CFAP299: variants seen among roughly 807,000 people sequenced by gnomAD.
The protein encoded by CFAP299 is cilia- and flagella-associated protein 299.
In CFAP299, 21 loss-of-function variants were observed where a neutral mutation model predicts 27.0. That is an observed-to-expected ratio of 0.78 (90% confidence interval 0.55 to 1.12). The LOEUF is 1.12. Ranked by LOEUF, CFAP299 falls within the 50% of genes most tolerant of loss-of-function variation. The pLI is 0.00. For missense variants in CFAP299, 310 were observed against 276.6 expected, an observed-to-expected ratio of 1.12 and a Z score of -0.86; for synonymous variants, 104 against 98.1, an observed-to-expected ratio of 1.06 and a Z score of -0.36.
chr4:80,950,479 T>C (rs1303383657), intron 5 of CFAP299, among the ~76,000 whole-genome samples: 1 of 152,136 alleles, frequency 6.6e-6, no homozygotes, highest in Non-Finnish European at 1.5e-5. Context: ...ACCAAAGATA[T>C]TCAAAAACAA....
At chr4:80,631,861 C>T in intron 3 of CFAP299, among the ~76,000 whole-genome samples, 1 of 54,456 alleles carries the variant, frequency 1.8e-5, no homozygotes, top group Non-Finnish European at 3.7e-5. Flanking sequence ...ATATTTGTGC[C>T]CCACCCCCCC....
At position 80,705,506 on chromosome 4, in the gene CFAP299, C is replaced by T. The variant is rs879497350; in HGVS notation, c.333+122323C>T. ...TGGCCAAATCTGATTGTAAGAGAAA[C>T]TTTAATCTTGTCGTGTGTCCAAGAA... is the stretch of plus-strand genomic sequence containing the variant. On this transcript the variant is annotated intron_variant, in intron 3 of 5. Transcript: ENST00000358105. Among the ~76,000 whole-genome samples the T allele has an allele frequency of 1.3e-4, 20 of 151,924 alleles. No homozygotes were observed. The Admixed American group carries it at 1.3e-3, about 10-fold the overall frequency.
At chr4:80,534,561 G>T (rs1315747401) in intron 2 of CFAP299, among the ~76,000 whole-genome samples, 1 of 151,870 alleles carries the variant, frequency 6.6e-6, no homozygotes, top group African/African-American at 2.4e-5. Context: ...TTTCATTTAT[G>T]TACAGAAATG....
At chr4:80,692,626 A>G (rs979434080) in intron 3 of CFAP299, among the ~76,000 whole-genome samples, 10 of 152,338 alleles carry the variant, frequency 6.6e-5, no homozygotes, top group African/African-American at 1.9e-4. Flanking sequence ...CATTCAGGAC[A>G]TAGGCATGGG....
At chr4:80,555,655 A>G (rs1250661162) in intron 2 of CFAP299, among the ~76,000 whole-genome samples, 1 of 152,032 alleles carries the variant, frequency 6.6e-6, no homozygotes, top group Non-Finnish European at 1.5e-5. Flanking sequence ...TAGGCTATTT[A>G]TTACTGATTC....
intron 2 of CFAP299, among the ~76,000 whole-genome samples, chr4:80,498,655 T>C (rs1731580883): frequency 6.6e-6 from 1 of 152,116 alleles, no homozygotes; most frequent in African/African-American, 2.4e-5. Context: ...GTAATATGAA[T>C]TAGTTCAGCC....
intron 2 of CFAP299, among the ~76,000 whole-genome samples, chr4:80,544,034 G>A (rs1282986252): frequency 2.0e-5 from 3 of 152,286 alleles, no homozygotes; most frequent in African/African-American, 7.2e-5. Flanking sequence ...AGCTAGAAAA[G>A]ACTGGGGGCC....
chr4:80,753,504 C>CT (rs1253147701), intron 3 of CFAP299, among the ~76,000 whole-genome samples: 1 of 152,018 alleles, frequency 6.6e-6, no homozygotes, highest in African/African-American at 2.4e-5. Flanking sequence ...TTGGTGTGCT[C>CT]TGAGTTTCTT....
intron 2 of CFAP299, among the ~76,000 whole-genome samples, chr4:80,472,921 T>C (rs1455381348): frequency 2.6e-5 from 4 of 152,152 alleles, no homozygotes; most frequent in Admixed American, 2.0e-4. Context: ...AGTTATAGCC[T>C]ACAGGTGGAT....
chr4:80,879,787 A>T (rs2110175185), intron 4 of CFAP299, among the ~76,000 whole-genome samples: 1 of 152,346 alleles, frequency 6.6e-6, no homozygotes, highest in South Asian at 2.1e-4. Flanking sequence ...AATGGCACTT[A>T]TTAAAGTTGT....
intron 4 of CFAP299, among the ~76,000 whole-genome samples, chr4:80,940,537 T>C (rs1361870348): frequency 6.6e-6 from 1 of 152,174 alleles, no homozygotes; most frequent in East Asian, 1.9e-4. Flanking sequence ...ATCTCTCCAC[T>C]GGACTTCCAG....
chr4:80,603,752 C>T (rs1737491478), intron 3 of CFAP299, among the ~76,000 whole-genome samples: 1 of 152,110 alleles, frequency 6.6e-6, no homozygotes, highest in Non-Finnish European at 1.5e-5. Context: ...TGATAGAATA[C>T]TGTACAAATA....
intron 3 of CFAP299, among the ~76,000 whole-genome samples, chr4:80,702,072 G>A (rs1721524260): frequency 6.6e-6 from 1 of 151,838 alleles, no homozygotes; most frequent in South Asian, 2.1e-4. Context: ...GTGGGAAAAT[G>A]AGGTGAGGTG....
chr4:80,521,928 T>C (rs1732933682), intron 2 of CFAP299, among the ~76,000 whole-genome samples: 1 of 152,078 alleles, frequency 6.6e-6, no homozygotes, highest in Admixed American at 6.6e-5. Flanking sequence ...GATACAAACA[T>C]GAGGGTGCAA....
At chr4:80,766,539 CACATACAG>C (rs1419368701) in intron 3 of CFAP299, among the ~76,000 whole-genome samples, 3 of 152,150 alleles carry the variant, frequency 2.0e-5, no homozygotes, top group Non-Finnish European at 4.4e-5. Context: ...CGTTCAGACA[CACATACAG>C]ACATACAGAC....
intron 4 of CFAP299, among the ~76,000 whole-genome samples, chr4:80,922,715 A>G (rs1736107925): frequency 6.6e-6 from 1 of 151,810 alleles, no homozygotes; most frequent in Non-Finnish European, 1.5e-5. Flanking sequence ...ATGCATACTC[A>G]TTGTGGAAAA....
At chr4:80,506,161 A>G (rs1159972426) in intron 2 of CFAP299, among the ~76,000 whole-genome samples, 2 of 152,082 alleles carry the variant, frequency 1.3e-5, no homozygotes, top group African/African-American at 4.8e-5. Flanking sequence ...CCAACTTTAA[A>G]TGTAAAACAT....
At chr4:80,473,496 C>T (rs1430318766) in intron 2 of CFAP299, among the ~76,000 whole-genome samples, 1 of 151,696 alleles carries the variant, frequency 6.6e-6, no homozygotes. Context: ...AGCTCTCCCT[C>T]ATGAAGTATG....
At chr4:80,647,990 G>T (rs907942224) in intron 3 of CFAP299, among the ~76,000 whole-genome samples, 4 of 152,184 alleles carry the variant, frequency 2.6e-5, no homozygotes, top group Non-Finnish European at 5.9e-5. Flanking sequence ...CCAGGAGGTG[G>T]AGGTTGCAGT....
Sources: allele counts gnomAD v4.1 joint callset (sites outside exome capture counted in the v4.1 genomes callset), GRCh38; gene constraint gnomAD v4.1.1; transcripts MANE v1.5; gene names NCBI Gene and HGNC (gene_info 2026-07-23, HGNC 2026-07-21).